AIFM2: variants seen among roughly 807,000 people sequenced by gnomAD.
AIFM2 encodes the protein ferroptosis suppressor protein 1.
Under a neutral mutation model 35.7 loss-of-function variants are expected in AIFM2, and 38 were observed. That is an observed-to-expected ratio of 1.06 (90% CI 0.82 to 1.39). AIFM2 has a LOEUF of 1.39. AIFM2 is among the 40% of genes most tolerant of loss of function. The probability of loss-of-function intolerance (pLI) is 0.00; values close to 1 mark genes in which losing one functional copy is unlikely to be tolerated. For missense variants in AIFM2, 476 were observed against 491.2 expected (o/e 0.97, Z 0.29); for synonymous variants, 185 against 203.5 (o/e 0.91, Z 0.77).
At chr10:70,118,062 C>A in intron 5 of AIFM2, 142 bp from the exon 6 acceptor site, 1 of 636,082 alleles carries the variant, frequency 1.6e-6, no homozygotes, top group Non-Finnish European at 2.7e-6. Context: ...TGTCCAATGC[C>A]AGGACCAATT....
intron 7 of AIFM2, among the ~76,000 whole-genome samples, chr10:70,116,333 C>T (rs1291232762): frequency 6.6e-6 from 1 of 152,238 alleles, no homozygotes; most frequent in Non-Finnish European, 1.5e-5. Context: ...GGGAAAGAAA[C>T]ACCACCAACC....
At chr10:70,125,418 T>G (rs1175880543) in intron 1 of AIFM2, among the ~76,000 whole-genome samples, 1 of 108,502 alleles carries the variant, frequency 9.2e-6, no homozygotes, top group African/African-American at 3.7e-5. Context: ...CTGGGTAACA[T>G]AGAGAGACTC....
chr10:70,127,696 G>C (rs1467531283), intron 1 of AIFM2, among the ~76,000 whole-genome samples: 1 of 152,174 alleles, frequency 6.6e-6, no homozygotes, highest in Middle Eastern at 3.2e-3. Flanking sequence ...TTGACCCCCA[G>C]GCCCCTAGTA....
intron 7 of AIFM2, among the ~76,000 whole-genome samples, chr10:70,116,258 G>A (rs2072434149): frequency 6.6e-6 from 1 of 152,234 alleles, no homozygotes. Context: ...CTGGGTTTGG[G>A]GGCGGCAGCA....
chr10:70,113,883 G>A lies in AIFM2; in HGVS notation c.*295C>T, dbSNP rs961138197. The A allele has an allele frequency of 2.3e-5, 8 of 350,312 alleles. No individual in the cohort carries two copies. Among genetic ancestry groups the A allele is most frequent in the Non-Finnish European group, 3.7e-5 (7 of 190,086 alleles). 21.7% of individuals were successfully genotyped at this position (350,312 alleles called of 1,614,324 possible). ...ACATCCCAGAGGAGGCAGGTGCAGA[G>A]GAAGGGCTGGCTGTGGCCTCCCCAG... On this transcript the variant is annotated 3_prime_UTR_variant, in exon 9 of 9. Transcript: ENST00000307864.
chr10:70,117,887 C>T lies in AIFM2; in HGVS notation c.541G>A (p.Asp181Asn), dbSNP rs755692325. 3 of 1,606,880 alleles carry T rather than the reference C, an allele frequency of 1.9e-6. No individual in the cohort carries two copies. Among genetic ancestry groups the T allele is most frequent in the South Asian group, 2.2e-5 (2 of 90,088 alleles). Residue 181 changes from aspartate to asparagine, a missense_variant, in exon 6 of 9, where the codon GAC (aspartate) becomes AAC (asparagine). Asp to Asn is a conservative substitution (Grantham distance 23, BLOSUM62 1). Transcript: ENST00000307864. This position sits in a 1 kb window ranked among gnomAD's most constrained non-coding sequence, Gnocchi z 4.7. Reference protein sequence around the residue: ...TLIHSQVALADKELLPSVRQE... With the variant: ...TLIHSQVALANKELLPSVRQE... ...CGGACGGAGGGCAGGAGCTCCTTGT[C>T]AGCCAGGGCCACTTGGGAGTGAATG...
At chr10:70,129,297 G>A (rs1261553377) in intron 1 of AIFM2, among the ~76,000 whole-genome samples, 6 of 151,844 alleles carry the variant, frequency 4.0e-5, no homozygotes, top group African/African-American at 1.2e-4. Context: ...GATCATTTAC[G>A]TAAAGCATTT....
intron 5 of AIFM2, among the ~76,000 whole-genome samples, chr10:70,119,255 G>A (rs2072471337): frequency 6.6e-6 from 1 of 152,178 alleles, no homozygotes; most frequent in Admixed American, 6.5e-5. Context: ...CAAGTAAACT[G>A]TCTCCCTGGC....
intron 1 of AIFM2, among the ~76,000 whole-genome samples, chr10:70,124,595 CAGAT>C (rs2072545945): frequency 6.6e-6 from 1 of 152,134 alleles, no homozygotes; most frequent in African/African-American, 2.4e-5. Context: ...GTCAGACAGG[CAGAT>C]ATGGTCCCTG....
chr10:70,132,706 G>A (rs1312054395), intron 1 of AIFM2, 28 bp downstream of exon 1: 1 of 152,336 alleles, frequency 6.6e-6, no homozygotes, highest in Non-Finnish European at 1.5e-5. Flanking sequence ...CCGGGGTCTC[G>A]AGAGCCCGCC....
At position 70,121,165 on chromosome 10, in the gene AIFM2, G is replaced by T; in HGVS notation, c.341C>A (p.Pro114His). Residue 114 changes from proline (P) to histidine (H), a missense_variant, in exon 4 of 9, where the codon CCC becomes CAC. By Grantham distance (77) the Pro-to-His change is moderately conservative. Coordinates refer to ENST00000307864, the MANE Select transcript of AIFM2 (RefSeq NM_032797.6). ...AACCTCATTAAACTTGCCCGGGAAG[G>T]GCCCAGTGCTGCCCGTGGCCAGGAT... Reference protein sequence around the residue: ...HLILATGSTGPFPGKFNEVSS... With the variant: ...HLILATGSTGHFPGKFNEVSS... The T allele has an allele frequency of 1.2e-6, 2 of 1,609,360 alleles. No homozygotes were observed. The highest frequency in any genetic ancestry group is 8.5e-7 in the Non-Finnish European group (1 of 1,179,162).
chr10:70,129,231 A>G (rs551442164), intron 1 of AIFM2, among the ~76,000 whole-genome samples: 1 of 151,238 alleles, frequency 6.6e-6, no homozygotes, highest in East Asian at 1.9e-4. Flanking sequence ...CTCCCGAAGC[A>G]CTGGAATTAC....
intron 4 of AIFM2, 60 bp from the exon 5 acceptor site, chr10:70,120,659 T>C (rs2072490577): frequency 1.3e-6 from 2 of 1,580,584 alleles, no homozygotes; most frequent in Admixed American, 1.7e-5. Flanking sequence ...TCCACCTCTG[T>C]CTGCTGGTTC....
rs762184082 is a variant in AIFM2, at chr10:70,113,844, G to A, written c.*334C>T. 3.7e-5 allele frequency: 10 copies of A among 269,024 alleles called. No individual in the cohort carries two copies. Among genetic ancestry groups the A allele is most frequent in the South Asian group, 9.7e-5 (2 of 20,696 alleles). The allele number at this position is 269,024 out of a possible 1,614,324, so 16.7% of individuals were successfully genotyped here. A position where few individuals can be genotyped will look rare whatever the true frequency, so the allele number is the denominator to read the frequency against. ...TGGCACGCGTCATGACCACAAGCACGTACACACACATGCACATCCCAGAGG... is the reference window on the plus strand; with the variant it reads ...TGGCACGCGTCATGACCACAAGCACATACACACACATGCACATCCCAGAGG... On this transcript the variant is annotated 3_prime_UTR_variant, in exon 9 of 9. Coordinates refer to ENST00000307864, the MANE Select transcript of AIFM2 (RefSeq NM_032797.6).
chr10:70,114,230 C>T lies in AIFM2; in HGVS notation c.1070G>A (p.Arg357Gln), dbSNP rs368126515. The T allele has an allele frequency of 1.2e-5, 19 of 1,613,754 alleles. No homozygotes were observed. Among genetic ancestry groups the T allele is most frequent in the South Asian group, 3.3e-5 (3 of 91,078 alleles). Residue 357 changes from arginine to glutamine, a missense_variant, in exon 9 of 9, where the codon CGG becomes CAG. Transcript: ENST00000307864. ...GRLMVRLTKS[R>Q]DLFVSTSWKT... ...CCAGCTCGTAGAGACGAACAGGTCC[C>T]GGCTCTTGGTCAGCCGAACCATGAG...
At chr10:70,122,280 C>T (rs1050066378) in intron 3 of AIFM2, among the ~76,000 whole-genome samples, 6 of 152,252 alleles carry the variant, frequency 3.9e-5, no homozygotes, top group Admixed American at 1.3e-4. Context: ...TGGAATCTTC[C>T]AGGGCTCTGA....
In AIFM2 at chr10:70,121,195, T is replaced by C. The variant is rs749017492; in HGVS notation, c.311A>G (p.His104Arg). 6 of 1,508,686 alleles carry C rather than the reference T, an allele frequency of 4.0e-6. No homozygotes were observed. In the South Asian group the frequency reaches 4.6e-5, roughly 11 times the overall value. The allele number at this position is 1,508,686 out of a possible 1,614,324, so 93.5% of individuals were successfully genotyped here. A position where few individuals can be genotyped will look rare whatever the true frequency, so the allele number is the denominator to read the frequency against. The change falls in exon 4 of 9, where the codon CAT (histidine) becomes CGT (arginine). Residue 104 changes from histidine to arginine, a missense_variant. Physicochemically the swap from His to Arg is conservative, Grantham distance 29. Transcript: ENST00000307864. ...AGTGCTGCCCGTGGCCAGGATAAGA[T>C]GAGAGAAGGGCAGGGCCTGAGAGAA... The part of the protein sequence containing the change: ...LQGGEALPFS[H>R]LILATGSTGP...
rs897753886 is a variant in AIFM2, at chr10:70,129,423, G to A, written c.-14+3311C>T. ...CCCAGTCCCAAAAAGTCAGGCCACA[G>A]AACCACATGAAAGATCTAATCCCAT... On this transcript the variant is annotated intron_variant, in intron 1 of 8. Transcript: ENST00000307864. Among the ~76,000 whole-genome samples, 4 of 152,018 alleles carry A rather than the reference G, an allele frequency of 2.6e-5. No individual in the cohort carries two copies. In the East Asian group the frequency reaches 7.7e-4, roughly 29 times the overall value.
rs118135233 is a variant in AIFM2 at position 70,116,662 on chromosome 10, G to A, written c.729C>T (p.Thr243=). Residue 243 remains threonine (T), a synonymous_variant, in exon 7 of 9, where the codon ACC becomes ACT. Transcript: ENST00000307864. ...AGGCGGAGCTGTTGATCTTGATGCC[G>A]GTGCAGAGAATCACCAGGTTGGTGG... is the stretch of plus-strand genomic sequence containing the variant. ...EVATNLVILC[T]GIKINSSAYR... 4.0e-4 allele frequency: 651 copies of A among 1,614,150 alleles called. 5 individuals carry two copies. The East Asian group carries it at 9.4e-3, about 23-fold the overall frequency.
Sources: allele counts gnomAD v4.1 joint callset (sites outside exome capture counted in the v4.1 genomes callset), GRCh38; gene constraint gnomAD v4.1.1; non-coding constraint Gnocchi (gnomAD v3.1); transcripts MANE v1.5; gene names NCBI Gene and HGNC (gene_info 2026-07-23, HGNC 2026-07-21).